Variants in IL22RA1 observed in about 807,000 individuals in gnomAD.
The protein encoded by IL22RA1 is interleukin 22 receptor subunit alpha 1, also known as interleukin-22 receptor subunit alpha-1.
A neutral mutation model predicts 32.8 loss-of-function variants in IL22RA1; 25 were observed. That is an observed-to-expected ratio of 0.76 (90% CI 0.55 to 1.06). The LOEUF (loss-of-function observed/expected upper bound fraction) is 1.06. Among genes scored for constraint, IL22RA1 ranks in the 50% least tolerant of loss-of-function variants. The pLI, the probability that IL22RA1 is intolerant of heterozygous loss-of-function variation, is 0.00. For missense variants in IL22RA1, 709 were observed against 727.4 expected (o/e 0.97, Z 0.29); for synonymous variants, 305 against 305.0 (o/e 1.00, Z 0.00).
intron 5 of IL22RA1, 117 bp from the exon 6 acceptor site, chr1:24,123,540 T>C (rs1644140758): frequency 1.3e-6 from 2 of 1,513,734 alleles, no homozygotes; most frequent in Non-Finnish European, 1.8e-6. Context: ...TGGCAAGGCC[T>C]CTCCTACCGT....
intron 5 of IL22RA1, 161 bp from the exon 6 acceptor site, chr1:24,123,584 C>G (rs1027599377): frequency 7.8e-6 from 11 of 1,406,260 alleles, no homozygotes; most frequent in South Asian, 4.5e-5. Flanking sequence ...AGTCCATATA[C>G]TGTACATCTA....
intron 4 of IL22RA1, among the ~76,000 whole-genome samples, chr1:24,132,342 T>C (rs1453517223): frequency 1.3e-5 from 2 of 150,998 alleles, no homozygotes. Context: ...TGTTTTTTTT[T>C]TTTTTTTGAG....
At chr1:24,140,733 G>A (rs1024267362) in intron 1 of IL22RA1, among the ~76,000 whole-genome samples, 8 of 152,234 alleles carry the variant, frequency 5.3e-5, no homozygotes, top group Non-Finnish European at 1.0e-4. Flanking sequence ...AAGAGCCTGC[G>A]GGAAAATGGC....
Position 24,128,247 on chromosome 1 carries a change from G to C in IL22RA1, c.564C>G (p.Phe188Leu). 6.2e-7 allele frequency: 1 copy of C among 1,612,248 alleles called. No individual in the cohort carries two copies. Among genetic ancestry groups the C allele is most frequent in the Non-Finnish European group, 8.5e-7 (1 of 1,179,138 alleles). The part of the protein sequence containing the change: ...HLGGKQREYE[F>L]FGLTPDTEFL... ...ACTCTGTGTCAGGGGTCAGGCCGAA[G>C]AACTCATATTCTCTCTGCTTCCCTC... The change falls in exon 5 of 7, where the codon TTC becomes TTG. Residue 188 changes from phenylalanine (F) to leucine (L), a missense_variant. By Grantham distance (22) the Phe-to-Leu change is conservative. Transcript: ENST00000270800.
At chr1:24,123,572 G>T (rs1322036487) in intron 5 of IL22RA1, 149 bp from the exon 6 acceptor site, 19 of 1,474,100 alleles carry the variant, frequency 1.3e-5, no homozygotes, top group Non-Finnish European at 1.7e-5. Context: ...ATCACAAATG[G>T]AAGTCCATAT....
chr1:24,120,817 C>T lies in IL22RA1; in HGVS notation c.1713G>A (p.Gln571=). ...SLFRGLALTV[Q]WES The stretch of plus-strand genomic sequence containing the variant: ...TTTCCCATTCCCCTCAGGACTCCCA[C>T]TGCACAGTCAGGGCCAGGCCTCTGA... The change falls in exon 7 of 7, where the codon CAG becomes CAA. Residue 571 remains glutamine (Q), a synonymous_variant. Transcript: ENST00000270800. 2 of 1,605,426 alleles carry T rather than the reference C, an allele frequency of 1.2e-6. No homozygotes were observed. The highest frequency in any genetic ancestry group is 1.7e-6 in the Non-Finnish European group (2 of 1,175,052).
rs1168456573 is a variant in IL22RA1 at position 24,141,569 on chromosome 1, T to G, written c.43+1471A>C. 2.6e-5 allele frequency among the ~76,000 whole-genome samples: 4 copies of G among 152,134 alleles called. No homozygotes were observed. In the East Asian group the frequency reaches 7.7e-4, roughly 29 times the overall value. The stretch of plus-strand genomic sequence containing the variant: ...GCTACGTGGAGGTTGGCACCACTTT[T>G]CAGGAGGGAACTGCAGTTAGCTTCC... On this transcript the variant is annotated intron_variant, in intron 1 of 6. Coordinates refer to ENST00000270800, the MANE Select transcript of IL22RA1 (RefSeq NM_021258.4).
intron 4 of IL22RA1, 94 bp from the exon 5 acceptor site, chr1:24,128,373 T>C: frequency 6.9e-7 from 1 of 1,455,748 alleles, no homozygotes; most frequent in Non-Finnish European, 9.6e-7. Flanking sequence ...GGATTCTGGT[T>C]TGATGCTGAT....
intron 4 of IL22RA1, among the ~76,000 whole-genome samples, chr1:24,131,273 T>C (rs1644203142): frequency 6.6e-6 from 1 of 152,232 alleles, no homozygotes; most frequent in African/African-American, 2.4e-5. Flanking sequence ...TTCACAACTT[T>C]GTGAATAGGC....
At chr1:24,123,652 G>C in intron 5 of IL22RA1, 1 of 1,000,712 alleles carries the variant, frequency 1.0e-6, no homozygotes, top group Non-Finnish European at 1.3e-6. Flanking sequence ...AATGTTCGAG[G>C]TTTCCACCTT....
At chr1:24,138,912 C>A (rs951298441) in intron 1 of IL22RA1, among the ~76,000 whole-genome samples, 198 bp from the exon 2 acceptor site, 1 of 152,248 alleles carries the variant, frequency 6.6e-6, no homozygotes, top group Non-Finnish European at 1.5e-5. Flanking sequence ...ATGCTCCCCA[C>A]GCTGTTCTAA....
At chr1:24,127,300 C>A (rs1570903891) in intron 5 of IL22RA1, among the ~76,000 whole-genome samples, 1 of 151,558 alleles carries the variant, frequency 6.6e-6, no homozygotes, top group East Asian at 1.9e-4. Flanking sequence ...CCTGTGTGAC[C>A]TTGGGCAAGT....
At chr1:24,131,837 C>T (rs890400685) in intron 4 of IL22RA1, among the ~76,000 whole-genome samples, 47 of 152,126 alleles carry the variant, frequency 3.1e-4, no homozygotes, top group African/African-American at 1.0e-3. Context: ...GCACAAGGAA[C>T]GTTCACCAGG....
At chr1:24,140,096 C>T (rs1377306369) in intron 1 of IL22RA1, among the ~76,000 whole-genome samples, 1 of 152,274 alleles carries the variant, frequency 6.6e-6, no homozygotes, top group Non-Finnish European at 1.5e-5. Context: ...ACAGCAGCCA[C>T]TGGCATTTGT....
rs557385243 is a variant in IL22RA1 at position 24,138,319 on chromosome 1, G to A, written c.176+263C>T. 2.6e-5 allele frequency among the ~76,000 whole-genome samples: 4 copies of A among 152,342 alleles called. No homozygotes were observed. The East Asian group carries it at 7.7e-4, about 29-fold the overall frequency. On this transcript the variant is annotated intron_variant, in intron 2 of 6. Coordinates refer to ENST00000270800, the MANE Select transcript of IL22RA1 (RefSeq NM_021258.4). ...TCACTTTGTGGGTGGAGAAACTGAG[G>A]CTTCGTGAGGTTACCTGCCCAAGGT...
intron 4 of IL22RA1, among the ~76,000 whole-genome samples, chr1:24,133,224 T>C (rs1644218775): frequency 6.6e-6 from 1 of 151,952 alleles, no homozygotes; most frequent in Admixed American, 6.5e-5. Flanking sequence ...AGTACCAATT[T>C]CTGCGGCATG....
intron 2 of IL22RA1, among the ~76,000 whole-genome samples, chr1:24,137,944 A>G (rs909970094): frequency 6.6e-6 from 1 of 152,202 alleles, no homozygotes; most frequent in Non-Finnish European, 1.5e-5. Context: ...TGGGCTCGTC[A>G]TCACCATAGT....
At chr1:24,130,748 AG>A (rs1644198668) in intron 4 of IL22RA1, among the ~76,000 whole-genome samples, 1 of 152,244 alleles carries the variant, frequency 6.6e-6, no homozygotes, top group Non-Finnish European at 1.5e-5. Flanking sequence ...TCTGTCACCC[AG>A]GTTGGAGTGC....
chr1:24,140,412 T>C (rs1405886024), intron 1 of IL22RA1, among the ~76,000 whole-genome samples: 1 of 152,080 alleles, frequency 6.6e-6, no homozygotes, highest in Admixed American at 6.5e-5. Context: ...GGGGGCTATC[T>C]TGTTCACCCT....
Sources: gnomAD v4.1 joint callset for allele counts (sites outside exome capture counted in the v4.1 genomes callset) on GRCh38, gnomAD v4.1.1 for gene constraint, MANE v1.5 for transcripts, NCBI Gene and HGNC (gene_info 2026-07-23, HGNC 2026-07-21) for gene names.